Variants in CIZ1 observed in about 807,000 individuals in gnomAD.
The protein encoded by CIZ1 is CDKN1A interacting zinc finger protein 1.
A neutral mutation model predicts 118.6 loss-of-function variants in CIZ1; 58 were observed. The observed-to-expected ratio is 0.49, with a 90% CI of 0.40 to 0.61. CIZ1 has a LOEUF of 0.61. Ranked by LOEUF, CIZ1 falls within the 20% of genes least tolerant of loss-of-function variation. The pLI, the probability that CIZ1 is intolerant of heterozygous loss-of-function variation, is 0.00. For missense variants in CIZ1, 921 were observed against 1,115.9 expected, an observed-to-expected ratio of 0.83 and a Z score of 2.49; for synonymous variants, 448 against 443.4, an observed-to-expected ratio of 1.01 and a Z score of -0.13.
chr9:128,198,835 A>AT (rs1408835021), intron 1 of CIZ1, among the ~76,000 whole-genome samples: 2 of 151,906 alleles, frequency 1.3e-5, no homozygotes, highest in African/African-American at 4.8e-5. Flanking sequence ...CATCTCAAAA[A>AT]AACAAAAGGG....
intron 5 of CIZ1, among the ~76,000 whole-genome samples, chr9:128,184,468 T>C (rs1832088277): frequency 6.6e-6 from 1 of 151,278 alleles, no homozygotes; most frequent in Admixed American, 6.6e-5. Context: ...GCTTGTATTT[T>C]ATTTCTACTG....
chr9:128,192,999 G>C (rs1010159850), upstream of CIZ1, among the ~76,000 whole-genome samples: 2 of 152,210 alleles, frequency 1.3e-5, no homozygotes, highest in Admixed American at 6.5e-5. Flanking sequence ...GCGCGTTGAC[G>C]GAGGGCGCTC....
intron 5 of CIZ1, among the ~76,000 whole-genome samples, chr9:128,181,822 C>T: frequency 6.6e-6 from 1 of 152,040 alleles, no homozygotes; most frequent in East Asian, 1.9e-4. Context: ...CTCTGCTCCT[C>T]CACCTCTTGT....
intron 10 of CIZ1, among the ~76,000 whole-genome samples, chr9:128,177,256 A>G (rs1329622008): frequency 6.6e-6 from 1 of 152,154 alleles, no homozygotes; most frequent in Non-Finnish European, 1.5e-5. Context: ...AAGGTCTCCC[A>G]GCTACTCAGA....
In CIZ1 at chr9:128,166,980, G is replaced by A. The variant is rs1588103424; in HGVS notation, c.2366-100C>T. The stretch of plus-strand genomic sequence containing the variant: ...TGTGCTCCCCAACCCTCTAGGCAGG[G>A]GCAGAAGAGAAGGCTTCCCAGCCAG... On this transcript the variant is annotated intron_variant, in intron 15 of 16. Coordinates refer to ENST00000372938, the MANE Select transcript of CIZ1 (RefSeq NM_001131016.2). This position sits in a 1 kb window ranked among gnomAD's most constrained non-coding sequence, Gnocchi z 4.4. 2 of 1,604,710 alleles carry A rather than the reference G, an allele frequency of 1.2e-6. No homozygotes were observed. Among genetic ancestry groups the A allele is most frequent in the South Asian group, 1.1e-5 (1 of 90,192 alleles).
At position 128,203,407 on chromosome 9, in the gene CIZ1, G is replaced by A. The variant is rs1048713864; in HGVS notation, c.-6+779C>T. On this transcript the variant is annotated intron_variant, in intron 1 of 17. Coordinates refer to the CIZ1 transcript ENST00000372948. The surrounding 1 kb of genome is among the most constrained non-coding windows in gnomAD (Gnocchi z 5.3). ...CTGGGCGCGCGGCTGCAGCGGCGGA[G>A]CCGGAGTCGGAGCCGGGAGCGCTAG... The A allele has an allele frequency of 9.3e-4, 1,255 of 1,348,680 alleles. 1 individual carries two copies. The highest frequency in any genetic ancestry group is 1.1e-3 in the Non-Finnish European group (1,151 of 1,048,606). The allele number at this position is 1,348,680 out of a possible 1,614,324, so 83.5% of individuals were successfully genotyped here. A position where few individuals can be genotyped will look rare whatever the true frequency, so the allele number is the denominator to read the frequency against.
chr9:128,169,037 C>A lies in CIZ1; in HGVS notation c.2295+15G>T. On this transcript the variant is annotated intron_variant, in intron 14 of 16. Coordinates refer to ENST00000372938, the MANE Select transcript of CIZ1 (RefSeq NM_001131016.2). ...TCCAGCACCAAGCCCGCCTCCCACACCCTCCCCCCAGCACCTGCTTGCAGA... is the reference window on the plus strand; with the variant it reads ...TCCAGCACCAAGCCCGCCTCCCACAACCTCCCCCCAGCACCTGCTTGCAGA... 2 of 1,613,912 alleles carry A rather than the reference C, an allele frequency of 1.2e-6. No individual in the cohort carries two copies. Among genetic ancestry groups the A allele is most frequent in the East Asian group, 2.2e-5 (1 of 44,886 alleles).
Position 128,190,684 on chromosome 9 carries a change from T to G in CIZ1, c.170+4A>C. On this transcript the variant is annotated splice_donor_region_variant and intron_variant, in intron 2 of 16. Coordinates refer to ENST00000372938, the MANE Select transcript of CIZ1 (RefSeq NM_001131016.2). ...AAGCCATCGCGCCCGAGAGGGGAAC[T>G]CACCGGCTGACAGCCATGGGCAACG... 6.4e-7 allele frequency: 1 copy of G among 1,551,940 alleles called. No individual in the cohort carries two copies. The highest frequency in any genetic ancestry group is 8.7e-7 in the Non-Finnish European group (1 of 1,149,596).
upstream of CIZ1, among the ~76,000 whole-genome samples, chr9:128,193,057 G>A (rs1833269600): frequency 6.6e-6 from 1 of 152,244 alleles, no homozygotes; most frequent in Non-Finnish European, 1.5e-5. Context: ...CATGTGACGA[G>A]CGCCGCTCCA....
chr9:128,195,896 C>T (rs1833366676), upstream of CIZ1, among the ~76,000 whole-genome samples: 4 of 151,842 alleles, frequency 2.6e-5, no homozygotes, highest in Admixed American at 2.0e-4. Context: ...GGCAGAGTCT[C>T]GCTCTGTCGC....
At chr9:128,180,636 C>A in intron 6 of CIZ1, 85 bp downstream of exon 6, 1 of 1,361,746 alleles carries the variant, frequency 7.3e-7, no homozygotes, top group South Asian at 1.2e-5. Context: ...CTGCCTCCCA[C>A]ACCTGCCTCT....
Position 128,200,082 on chromosome 9 carries a change from C to T in CIZ1, c.-6+4104G>A, listed in dbSNP as rs1047890538. On this transcript the variant is annotated intron_variant, in intron 1 of 17. Coordinates refer to the CIZ1 transcript ENST00000372948. ...GGGATTACAGGTGTGGGCCACTGCA[C>T]CTGGCCCTGAGATTCTTCTTTTCAA... 2.6e-4 allele frequency: 40 copies of T among 152,046 alleles called. 2 individuals are homozygous for T. Among genetic ancestry groups the T allele is most frequent in the African/African-American group, 9.2e-4 (38 of 41,350 alleles). 9.4% of individuals were successfully genotyped at this position (152,046 alleles called of 1,614,324 possible). A position where few individuals can be genotyped will look rare whatever the true frequency, so the allele number is the denominator to read the frequency against.
rs748917697 is a variant in CIZ1 at position 128,179,068 on chromosome 9, T to C, written c.1139A>G (p.Gln380Arg). The C allele has an allele frequency of 1.4e-5, 23 of 1,613,216 alleles. No individual in the cohort carries two copies. In the South Asian group the frequency reaches 2.0e-4, roughly 14 times the overall value. Reference sequence around the variant, plus strand: ...TGGGCCCTGTGAATGTGCCTGTGGCTGTACCTGTGGCTGCACCTGCTTCTG... The same window carrying C: ...TGGGCCCTGTGAATGTGCCTGTGGCCGTACCTGTGGCTGCACCTGCTTCTG... ...EPQKQVQPQV[Q>R]PQAHSQGPRQ... Residue 380 changes from glutamine to arginine, a missense_variant, in exon 8 of 17, where the codon CAG becomes CGG. Physicochemically the swap from Gln to Arg is conservative, Grantham distance 43 (BLOSUM62 1). Coordinates refer to ENST00000372938, the MANE Select transcript of CIZ1 (RefSeq NM_001131016.2).
At chr9:128,169,303 C>T in intron 13 of CIZ1, 102 bp from the exon 14 acceptor site, 2 of 1,252,820 alleles carry the variant, frequency 1.6e-6, no homozygotes, top group Non-Finnish European at 1.1e-6. Flanking sequence ...TCCCTCCAGA[C>T]CCGCTGTGAG....
chr9:128,173,146 T>C (rs990533311), intron 11 of CIZ1, among the ~76,000 whole-genome samples: 5 of 137,998 alleles, frequency 3.6e-5, no homozygotes, highest in Non-Finnish European at 6.3e-5. Flanking sequence ...TTTTTTTTTT[T>C]TTTTTTTTTT....
In CIZ1 at chr9:128,177,761, T is replaced by C. The variant is rs1168287126; in HGVS notation, c.1623A>G (p.Val541=). 9 of 1,591,032 alleles carry C rather than the reference T, an allele frequency of 5.7e-6. No individual in the cohort carries two copies. Among genetic ancestry groups the C allele is most frequent in the African/African-American group, 1.3e-5 (1 of 74,438 alleles). ...CCTTCAGGGAGCCCCCGGCGCCCCATACCTGCATGGGGAGTAGGAACTGAA... is the reference window on the plus strand; with the variant it reads ...CCTTCAGGGAGCCCCCGGCGCCCCACACCTGCATGGGGAGTAGGAACTGAA... ...CENRAREMPG[V]WGAGGSLKVT... is the part of the protein sequence containing the mutation. The change falls in exon 10 of 17, where the codon GTA becomes GTG. Residue 541 remains valine (V), a splice_region_variant and synonymous_variant. Transcript: ENST00000372938.
At chr9:128,175,873 C>T (rs1304374089) in intron 11 of CIZ1, among the ~76,000 whole-genome samples, 4 of 152,168 alleles carry the variant, frequency 2.6e-5, no homozygotes, top group South Asian at 2.1e-4. Context: ...CCTGAAAGCA[C>T]CTCTGGCTGC....
rs1005862899 is a variant in CIZ1, at chr9:128,169,949, G to A, written c.2031+71C>T. ...AGAGGAACGTTTACTTTCCAACTGGGGCTCTGTGTTGTCTGGACTCCACTT... is the reference window on the plus strand; with the variant it reads ...AGAGGAACGTTTACTTTCCAACTGGAGCTCTGTGTTGTCTGGACTCCACTT... On this transcript the variant is annotated intron_variant, in intron 12 of 16. Coordinates refer to ENST00000372938, the MANE Select transcript of CIZ1 (RefSeq NM_001131016.2). The A allele has an allele frequency of 5.8e-6, 8 of 1,387,204 alleles. No homozygotes were observed. In the African/African-American group the frequency reaches 1.2e-4, roughly 20 times the overall value. 85.9% of individuals were successfully genotyped at this position (1,387,204 alleles called of 1,614,324 possible). A position where few individuals can be genotyped will look rare whatever the true frequency, so the allele number is the denominator to read the frequency against.
At position 128,180,454 on chromosome 9, in the gene CIZ1, G is replaced by A. The variant is rs569220425; in HGVS notation, c.752C>T (p.Pro251Leu). The change falls in exon 7 of 17, where the codon CCT becomes CTT. Residue 251 changes from proline (P) to leucine (L), a missense_variant. Coordinates refer to ENST00000372938, the MANE Select transcript of CIZ1 (RefSeq NM_001131016.2). ...TGCTGGCAGCTCGGACGCCTCACAA[G>A]GCTCAGGCTCAGGTGCTGGAGTGCG... ...EKRTPAPEPE[P>L]CEASELPAKR... 2.5e-6 allele frequency: 4 copies of A among 1,614,132 alleles called. No homozygotes were observed. The Admixed American group carries it at 5.0e-5, about 20-fold the overall frequency.
Sources: allele counts gnomAD v4.1 joint callset (sites outside exome capture counted in the v4.1 genomes callset), GRCh38; gene constraint gnomAD v4.1.1; non-coding constraint Gnocchi (gnomAD v3.1); transcripts MANE v1.5; gene names NCBI Gene and HGNC (gene_info 2026-07-23, HGNC 2026-07-21).